KAT6B: variants seen among roughly 807,000 people sequenced by gnomAD.
The protein encoded by KAT6B is lysine acetyltransferase 6B, also known as histone acetyltransferase KAT6B.
A neutral mutation model predicts 187.5 loss-of-function variants in KAT6B; 10 were observed. The ratio of observed to expected loss-of-function variants is 0.05; its 90% CI spans 0.03 to 0.09. The LOEUF (loss-of-function observed/expected upper bound fraction) is 0.09, where lower values mean the gene tolerates loss of function less well. KAT6B is among the 10% of genes least tolerant of loss of function. KAT6B has a pLI of 1.00. For missense variants in KAT6B, 1,952 were observed against 2,558.9 expected (o/e 0.76, Z 5.12); for synonymous variants, 861 against 926.8 (o/e 0.93, Z 1.29).
At position 74,990,196 on chromosome 10, in the gene KAT6B, C is replaced by CAAAAA. The variant is rs56300641; in HGVS notation, c.2629+1113_2629+1117dup. ...GGTGACAGAGTGAGAGACTCTGTCT[C>CAAAAA]AAAAAAAAAAAAAAAAAAAAAAAAA... On this transcript the variant is annotated intron_variant, in intron 13 of 17. Coordinates refer to ENST00000287239, the MANE Select transcript of KAT6B (RefSeq NM_012330.4). Among the ~76,000 whole-genome samples, 41 of 39,414 alleles carry CAAAAA rather than the reference C, an allele frequency of 1.0e-3. 1 individual carries two copies. The highest frequency in any genetic ancestry group is 2.5e-3 in the Admixed American group (6 of 2,374). 25.9% of individuals were successfully genotyped at this position (39,414 alleles called of 152,430 possible).
chr10:74,940,957 T>C (rs1196404802), intron 3 of KAT6B, among the ~76,000 whole-genome samples: 1 of 152,170 alleles, frequency 6.6e-6, no homozygotes, highest in Non-Finnish European at 1.5e-5. Flanking sequence ...TCTTGAAGAT[T>C]GGTTACAAAT....
intron 3 of KAT6B, among the ~76,000 whole-genome samples, chr10:74,957,269 A>G (rs1840753939): frequency 2.0e-5 from 3 of 152,262 alleles, no homozygotes; most frequent in East Asian, 1.9e-4. Context: ...TGAATTATCA[A>G]TAATTCAGCA....
At chr10:74,872,683 A>AT (rs56753846) in intron 3 of KAT6B, among the ~76,000 whole-genome samples, 35,770 of 143,528 alleles carry the variant, frequency 0.25, 7,541 homozygotes, top group African/African-American at 0.57. Flanking sequence ...TGGCTAATTA[A>AT]TTTTTTTTTT....
chr10:74,879,666 C>T (rs552148548), intron 3 of KAT6B, among the ~76,000 whole-genome samples: 1 of 152,214 alleles, frequency 6.6e-6, no homozygotes, highest in Non-Finnish European at 1.5e-5. Context: ...TGAATCTGAG[C>T]TCAGGGTTCT....
At chr10:74,946,073 T>C (rs913438764) in intron 3 of KAT6B, among the ~76,000 whole-genome samples, 2 of 152,228 alleles carry the variant, frequency 1.3e-5, no homozygotes, top group East Asian at 3.8e-4. Context: ...GGCCTGGTAG[T>C]TCTTCTAGGG....
At chr10:74,912,849 T>A (rs1220983365) in intron 3 of KAT6B, among the ~76,000 whole-genome samples, 1 of 152,170 alleles carries the variant, frequency 6.6e-6, no homozygotes, top group Non-Finnish European at 1.5e-5. Context: ...TCCCTGTGAA[T>A]GTGTCATGTT....
chr10:74,868,038 T>C (rs1460424356), intron 3 of KAT6B, among the ~76,000 whole-genome samples: 1 of 152,206 alleles, frequency 6.6e-6, no homozygotes, highest in South Asian at 2.1e-4. Flanking sequence ...TTTCATAATA[T>C]TTGGTGTCAG....
At chr10:75,000,873 T>C (rs3781252) in intron 13 of KAT6B, among the ~76,000 whole-genome samples, 12,910 of 152,154 alleles carry the variant, frequency 0.085, 767 homozygotes, top group South Asian at 0.27. Context: ...GGTTTCACCT[T>C]AGCTTTTGTG....
At chr10:75,021,636 T>C (rs1845411991) in intron 15 of KAT6B, among the ~76,000 whole-genome samples, 1 of 152,212 alleles carries the variant, frequency 6.6e-6, no homozygotes, top group Admixed American at 6.5e-5. Context: ...TGTAATGTAG[T>C]GATAAAGGAC....
chr10:74,862,877 C>G (rs1843282539), intron 3 of KAT6B, among the ~76,000 whole-genome samples: 1 of 152,070 alleles, frequency 6.6e-6, no homozygotes, highest in African/African-American at 2.4e-5. Context: ...GACGGCAGCC[C>G]CCAGCACTCC....
intron 13 of KAT6B, among the ~76,000 whole-genome samples, chr10:75,017,153 G>T (rs893367180): frequency 6.6e-6 from 1 of 150,788 alleles, no homozygotes; most frequent in Non-Finnish European, 1.5e-5. Context: ...ATGAGCCACC[G>T]CGCCCAGCCA....
At chr10:74,989,329 G>A (rs545352068) in intron 13 of KAT6B, among the ~76,000 whole-genome samples, 9 of 152,112 alleles carry the variant, frequency 5.9e-5, no homozygotes, top group Admixed American at 2.6e-4. Context: ...TAGATCTCTC[G>A]GCAGCAGGCC....
intron 8 of KAT6B, 160 bp from the exon 9 acceptor site, chr10:74,977,156 T>C (rs1039578185): frequency 6.4e-6 from 4 of 625,098 alleles, no homozygotes; most frequent in Middle Eastern, 9.2e-4. Context: ...AGGATACTGC[T>C]GGATCTATGA....
chr10:74,964,117 G>A (rs1386968430), intron 4 of KAT6B, among the ~76,000 whole-genome samples: 1 of 152,190 alleles, frequency 6.6e-6, no homozygotes, highest in Non-Finnish European at 1.5e-5. Context: ...GGTGACAAGA[G>A]TGAAACTCTG....
In KAT6B at chr10:75,028,400, A is replaced by G. The variant is rs762189999; in HGVS notation, c.3665-89A>G. 915 of 1,580,548 alleles carry G rather than the reference A, an allele frequency of 5.8e-4. 2 individuals carry two copies. Among genetic ancestry groups the G allele is most frequent in the Non-Finnish European group, 7.1e-4 (819 of 1,154,018 alleles). ...TGCCAAATTGAAAGCAGTGTTTGCT[A>G]ATTAATTTAGAGGAATGAATTCAAG... On this transcript the variant is annotated intron_variant, in intron 17 of 17. Coordinates refer to ENST00000287239, the MANE Select transcript of KAT6B (RefSeq NM_012330.4).
intron 3 of KAT6B, among the ~76,000 whole-genome samples, chr10:74,894,039 C>A (rs950372573): frequency 2.6e-5 from 4 of 152,108 alleles, no homozygotes; most frequent in African/African-American, 9.7e-5. Context: ...CATGAGGGAC[C>A]CCTTATGAAT....
chr10:74,981,883 T>A lies in KAT6B; in HGVS notation c.2328T>A (p.Pro776=), dbSNP rs777090798. The part of the protein sequence containing the change: ...RHSKKCGWFH[P]PANEIYRRKD... ...CCAAGAAGTGTGGATGGTTTCATCC[T>A]CCAGCAAATGAAATTTACCGAAGGA... The change falls in exon 11 of 18, where the codon CCT becomes CCA. Residue 776 remains proline (P), a synonymous_variant. Transcript: ENST00000287239. 1.9e-6 allele frequency: 3 copies of A among 1,613,324 alleles called. No homozygotes were observed. The South Asian group carries it at 3.3e-5, about 18-fold the overall frequency.
chr10:74,998,378 T>C (rs144181836), intron 13 of KAT6B, among the ~76,000 whole-genome samples: 79 of 152,278 alleles, frequency 5.2e-4, no homozygotes, highest in African/African-American at 1.9e-3. Context: ...AATAGTGGAC[T>C]TCTCTTTTTG....
At chr10:74,908,856 C>T (rs1846988216) in intron 3 of KAT6B, among the ~76,000 whole-genome samples, 1 of 152,022 alleles carries the variant, frequency 6.6e-6, no homozygotes, top group Non-Finnish European at 1.5e-5. Flanking sequence ...CTCTGGTAGC[C>T]CCCTGAGACT....
Sources: gnomAD v4.1 joint callset for allele counts (sites outside exome capture counted in the v4.1 genomes callset) on GRCh38, gnomAD v4.1.1 for gene constraint, MANE v1.5 for transcripts, NCBI Gene and HGNC (gene_info 2026-07-23, HGNC 2026-07-21) for gene names.